The following SNTG1 variants were observed in gnomAD, a reference collection of about 807,000 sequenced individuals.
The protein encoded by SNTG1 is gamma-1-syntrophin.
In SNTG1, 39 loss-of-function variants were observed where a neutral mutation model predicts 74.7. The ratio of observed to expected loss-of-function variants is 0.52; its 90% CI spans 0.40 to 0.68. The LOEUF is 0.68. Among genes scored for constraint, SNTG1 ranks in the 30% least tolerant of loss-of-function variants. The pLI is 0.00. For missense variants in SNTG1, 685 were observed against 609.5 expected, an observed-to-expected ratio of 1.12 and a Z score of -1.30; for synonymous variants, 254 against 217.1, an observed-to-expected ratio of 1.17 and a Z score of -1.49.
intron 12 of SNTG1, among the ~76,000 whole-genome samples, chr8:50,554,994 C>T (rs887906795): frequency 3.3e-5 from 5 of 152,210 alleles, no homozygotes; most frequent in African/African-American, 7.2e-5. Flanking sequence ...TTTCTTCAAA[C>T]GTCTATTCAG....
At chr8:50,750,935 T>C (rs1260588212) in intron 17 of SNTG1, among the ~76,000 whole-genome samples, 1 of 151,986 alleles carries the variant, frequency 6.6e-6, no homozygotes, top group Non-Finnish European at 1.5e-5. Context: ...TATATGCTTT[T>C]ATCTATCACA....
At chr8:50,456,178 C>T (rs1293219078) in intron 8 of SNTG1, among the ~76,000 whole-genome samples, 1 of 152,208 alleles carries the variant, frequency 6.6e-6, no homozygotes, top group Non-Finnish European at 1.5e-5. Flanking sequence ...ATAAGCTATA[C>T]ATCCAGACAG....
At chr8:50,517,717 A>G (rs2094146222) in intron 9 of SNTG1, among the ~76,000 whole-genome samples, 2 of 152,120 alleles carry the variant, frequency 1.3e-5, no homozygotes, top group Admixed American at 1.3e-4. Context: ...GAAGGGCATT[A>G]TATAATGATA....
rs146149430 is a variant in SNTG1, at chr8:49,943,355, A to C, written c.-103+31124A>C. Among the ~76,000 whole-genome samples, 6 of 152,344 alleles carry C rather than the reference A, an allele frequency of 3.9e-5. No homozygotes were observed. In the East Asian group the frequency reaches 9.7e-4, roughly 25 times the overall value. On this transcript the variant is annotated intron_variant, in intron 1 of 18. Coordinates refer to ENST00000642720, the MANE Select transcript of SNTG1 (RefSeq NM_018967.5). ...TGGGTGCTTGCAGTATAAAGATGAA[A>C]TGTATGTTCTAGTAACTATTGGTAA...
intron 1 of SNTG1, among the ~76,000 whole-genome samples, chr8:50,151,561 C>A (rs1423605360): frequency 2.0e-5 from 3 of 152,156 alleles, no homozygotes; most frequent in Non-Finnish European, 2.9e-5. Flanking sequence ...CTGTAAATTT[C>A]CCTCTACATA....
chr8:50,564,374 A>G lies in SNTG1; in HGVS notation c.810+11195A>G, dbSNP rs562476734. Among the ~76,000 whole-genome samples the G allele has an allele frequency of 1.4e-4, 22 of 152,232 alleles. 1 individual carries two copies. In the South Asian group the frequency reaches 4.3e-3, roughly 30 times the overall value. ...CATATATAGAAAACAACAACCTTAC[A>G]TTTTATTATAATGATCAATGAAGGA... On this transcript the variant is annotated intron_variant, in intron 12 of 18. Coordinates refer to ENST00000642720, the MANE Select transcript of SNTG1 (RefSeq NM_018967.5).
intron 17 of SNTG1, among the ~76,000 whole-genome samples, chr8:50,751,403 C>A (rs558403899): frequency 6.6e-6 from 1 of 152,092 alleles, no homozygotes; most frequent in South Asian, 2.1e-4. Context: ...CCTTTTATAT[C>A]TCCATTTTTG....
chr8:50,610,136 C>A (rs1563643946), intron 13 of SNTG1, among the ~76,000 whole-genome samples: 2 of 152,088 alleles, frequency 1.3e-5, no homozygotes, highest in Admixed American at 6.6e-5. Flanking sequence ...TTGTAATATG[C>A]CTGAGCAGTA....
At chr8:50,267,934 A>C (rs895042845) in intron 2 of SNTG1, among the ~76,000 whole-genome samples, 1 of 152,174 alleles carries the variant, frequency 6.6e-6, no homozygotes, top group Non-Finnish European at 1.5e-5. Flanking sequence ...ACAGTACTAG[A>C]AGGTAAAGTC....
intron 3 of SNTG1, among the ~76,000 whole-genome samples, chr8:50,401,311 C>T (rs976352872): frequency 6.6e-6 from 1 of 152,060 alleles, no homozygotes; most frequent in African/African-American, 2.4e-5. Context: ...ATGTTAAGTG[C>T]ACTTTCTAGG....
At chr8:50,747,471 G>C (rs188999442) in intron 17 of SNTG1, among the ~76,000 whole-genome samples, 19 of 151,822 alleles carry the variant, frequency 1.3e-4, no homozygotes, top group African/African-American at 4.4e-4. Context: ...AAAAATTGGC[G>C]TATAAAAATT....
chr8:50,679,045 G>T (rs879283293), intron 15 of SNTG1, among the ~76,000 whole-genome samples: 6 of 151,974 alleles, frequency 3.9e-5, no homozygotes, highest in African/African-American at 1.4e-4. Flanking sequence ...TCAAAACATG[G>T]AATAATATTC....
chr8:50,205,503 T>G (rs911238483), intron 2 of SNTG1, among the ~76,000 whole-genome samples: 1 of 152,192 alleles, frequency 6.6e-6, no homozygotes, highest in African/African-American at 2.4e-5. Flanking sequence ...TTGCAAAAAT[T>G]TTCTCCCATT....
At chr8:50,097,007 T>C (rs2079953063) in intron 1 of SNTG1, among the ~76,000 whole-genome samples, 1 of 152,108 alleles carries the variant, frequency 6.6e-6, no homozygotes, top group South Asian at 2.1e-4. Flanking sequence ...TCTAAATCTG[T>C]GGCCCAGGCT....
chr8:50,008,236 C>T (rs570493181), intron 1 of SNTG1, among the ~76,000 whole-genome samples: 11 of 152,126 alleles, frequency 7.2e-5, no homozygotes, highest in East Asian at 1.9e-4. Context: ...TCACTCTTTC[C>T]GGTAGCTGAC....
intron 9 of SNTG1, among the ~76,000 whole-genome samples, chr8:50,521,968 A>G (rs982643014): frequency 6.6e-6 from 1 of 152,094 alleles, no homozygotes; most frequent in Non-Finnish European, 1.5e-5. Flanking sequence ...GCCTCTTAAT[A>G]TTGATATTTT....
chr8:50,723,453 ACTGGCTGTTTTCAC>A (rs1314895897), intron 17 of SNTG1, among the ~76,000 whole-genome samples: 1 of 152,092 alleles, frequency 6.6e-6, no homozygotes, highest in East Asian at 1.9e-4. Flanking sequence ...AGAAAATATT[ACTGGCTGTTTTCAC>A]CATGCCTTCT....
At chr8:50,719,645 A>G (rs2095482998) in intron 17 of SNTG1, among the ~76,000 whole-genome samples, 3 of 152,178 alleles carry the variant, frequency 2.0e-5, no homozygotes, top group Admixed American at 2.0e-4. Flanking sequence ...TCTGTAGGTT[A>G]AGAATAACAA....
intron 1 of SNTG1, among the ~76,000 whole-genome samples, chr8:50,093,964 C>T (rs169435): frequency 0.87 from 131,666 of 152,132 alleles, 57,114 homozygotes; most frequent in East Asian, 0.99. Context: ...TTGAGATAGA[C>T]AGAACAAAGA....
Sources: gnomAD v4.1 joint callset for allele counts (sites outside exome capture counted in the v4.1 genomes callset) on GRCh38, gnomAD v4.1.1 for gene constraint, MANE v1.5 for transcripts, NCBI Gene and HGNC (gene_info 2026-07-23, HGNC 2026-07-21) for gene names.